Variants in CNTN5 observed in about 807,000 individuals in gnomAD.
The protein encoded by CNTN5 is contactin 5.
CNTN5 carries 77 observed loss-of-function variants against 129.1 expected under a neutral mutation model. The observed-to-expected ratio is 0.60, with a 90% CI of 0.50 to 0.72. The LOEUF (loss-of-function observed/expected upper bound fraction) is 0.72. CNTN5 is among the 30% of genes least tolerant of loss of function. The pLI is 0.00. For missense variants in CNTN5, 1,478 were observed against 1,328.8 expected (o/e 1.11, Z -1.75); for synonymous variants, 509 against 465.6 (o/e 1.09, Z -1.20).
intron 6 of CNTN5, among the ~76,000 whole-genome samples, chr11:99,845,962 G>A (rs1312229535): frequency 6.6e-6 from 1 of 151,870 alleles, no homozygotes; most frequent in Non-Finnish European, 1.5e-5. Flanking sequence ...GTCACCATTT[G>A]CTATGGATTT....
chr11:99,158,323 TGC>T, intron 1 of CNTN5, among the ~76,000 whole-genome samples: 1 of 152,190 alleles, frequency 6.6e-6, no homozygotes, highest in Admixed American at 6.5e-5. Context: ...ATGCTTCATG[TGC>T]ATGAAATGTT....
chr11:99,297,387 C>A (rs1023831672), intron 1 of CNTN5, among the ~76,000 whole-genome samples: 1 of 152,114 alleles, frequency 6.6e-6, no homozygotes, highest in Non-Finnish European at 1.5e-5. Flanking sequence ...CCATGGTCAG[C>A]GATCCTGTAC....
At chr11:100,089,252 G>A (rs1490122828) in intron 13 of CNTN5, among the ~76,000 whole-genome samples, 2 of 151,948 alleles carry the variant, frequency 1.3e-5, no homozygotes, top group East Asian at 1.9e-4. Flanking sequence ...CAGATAGGCA[G>A]ATTGCAAAAA....
intron 2 of CNTN5, among the ~76,000 whole-genome samples, chr11:99,437,877 A>G (rs1943663227): frequency 1.3e-5 from 2 of 152,162 alleles, no homozygotes; most frequent in South Asian, 2.1e-4. Context: ...AAAACTCCAC[A>G]GAAAATAAAA....
intron 3 of CNTN5, among the ~76,000 whole-genome samples, chr11:99,818,207 A>T (rs1946656547): frequency 6.6e-6 from 1 of 152,140 alleles, no homozygotes; most frequent in South Asian, 2.1e-4. Context: ...TTAATCAAAA[A>T]TTTAGTTAGC....
At chr11:99,938,607 A>C (rs562743243) in intron 7 of CNTN5, among the ~76,000 whole-genome samples, 3 of 152,176 alleles carry the variant, frequency 2.0e-5, no homozygotes, top group South Asian at 4.1e-4. Context: ...AATAACCTTG[A>C]AATTTTTGTC....
intron 1 of CNTN5, among the ~76,000 whole-genome samples, chr11:99,232,136 T>A (rs1249290446): frequency 6.6e-6 from 1 of 152,188 alleles, no homozygotes; most frequent in Non-Finnish European, 1.5e-5. Flanking sequence ...ATACGGGCTC[T>A]TTGTTGGTTC....
intron 4 of CNTN5, among the ~76,000 whole-genome samples, chr11:99,833,003 A>C (rs930207123): frequency 2.0e-5 from 3 of 152,206 alleles, no homozygotes; most frequent in African/African-American, 7.2e-5. Context: ...GATGTTAAAA[A>C]GAGGATTTAA....
At chr11:99,024,887 C>T (rs1312198063) in intron 1 of CNTN5, among the ~76,000 whole-genome samples, 1 of 151,870 alleles carries the variant, frequency 6.6e-6, no homozygotes, top group Non-Finnish European at 1.5e-5. Context: ...ATATTCATTT[C>T]CTGTGTATTT....
intron 9 of CNTN5, among the ~76,000 whole-genome samples, chr11:100,020,187 G>C (rs970137114): frequency 2.6e-5 from 4 of 151,898 alleles, no homozygotes; most frequent in African/African-American, 7.2e-5. Flanking sequence ...TGATTTTAGA[G>C]TCATATTCAA....
chr11:99,216,912 C>T (rs1024653282), intron 1 of CNTN5, among the ~76,000 whole-genome samples: 7 of 152,132 alleles, frequency 4.6e-5, no homozygotes, highest in Admixed American at 1.3e-4. Context: ...CGGCCAGGCG[C>T]GGTGACTCAT....
At chr11:99,140,420 AAGAG>A (rs906555013) in intron 1 of CNTN5, among the ~76,000 whole-genome samples, 7 of 152,002 alleles carry the variant, frequency 4.6e-5, no homozygotes, top group Non-Finnish European at 8.8e-5. Context: ...ATCATCTGGG[AAGAG>A]AGATAGTTTG....
At chr11:100,067,701 C>T (rs530743784) in intron 10 of CNTN5, among the ~76,000 whole-genome samples, 1 of 151,966 alleles carries the variant, frequency 6.6e-6, no homozygotes, top group East Asian at 1.9e-4. Context: ...TTGTAGAATT[C>T]TTGGTAGAAT....
chr11:99,424,803 T>A (rs1943048609), intron 2 of CNTN5, among the ~76,000 whole-genome samples: 1 of 152,204 alleles, frequency 6.6e-6, no homozygotes, highest in African/African-American at 2.4e-5. Flanking sequence ...GTGTTACAGC[T>A]CTTTCAGTCG....
chr11:100,239,949 T>C (rs1949701466), intron 16 of CNTN5, among the ~76,000 whole-genome samples: 2 of 152,218 alleles, frequency 1.3e-5, no homozygotes, highest in African/African-American at 4.8e-5. Context: ...TTCATATAAT[T>C]ATTTCTTTCA....
intron 2 of CNTN5, among the ~76,000 whole-genome samples, chr11:99,425,390 C>T (rs1242611770): frequency 2.0e-5 from 3 of 152,222 alleles, no homozygotes; most frequent in Non-Finnish European, 2.9e-5. Flanking sequence ...CATCAACATG[C>T]CATCCATGGC....
intron 9 of CNTN5, among the ~76,000 whole-genome samples, chr11:100,052,983 A>G (rs929008143): frequency 1.3e-5 from 2 of 151,702 alleles, no homozygotes; most frequent in Non-Finnish European, 3.0e-5. Context: ...AGTAGTGCTG[A>G]AACAAATGGA....
chr11:99,667,186 A>G (rs984850835), intron 3 of CNTN5, among the ~76,000 whole-genome samples: 2 of 152,092 alleles, frequency 1.3e-5, no homozygotes, highest in Admixed American at 6.6e-5. Flanking sequence ...GGTCAGTGGT[A>G]TGATAATATT....
At chr11:99,827,620 G>GC (rs1947006120) in intron 4 of CNTN5, among the ~76,000 whole-genome samples, 2 of 152,108 alleles carry the variant, frequency 1.3e-5, no homozygotes, top group Non-Finnish European at 2.9e-5. Flanking sequence ...GTCTGTTTTG[G>GC]CCCAGAAACA....
Sources: gnomAD v4.1 joint callset for allele counts (sites outside exome capture counted in the v4.1 genomes callset) on GRCh38, gnomAD v4.1.1 for gene constraint, MANE v1.5 for transcripts, NCBI Gene and HGNC (gene_info 2026-07-23, HGNC 2026-07-21) for gene names.